DENND1A: variants seen among roughly 807,000 people sequenced by gnomAD.
The protein encoded by DENND1A is DENN domain containing 1A, also known as DENN domain-containing protein 1A.
A neutral mutation model predicts 113.7 loss-of-function variants in DENND1A; 51 were observed. The ratio of observed to expected loss-of-function variants is 0.45; its 90% CI spans 0.36 to 0.57. DENND1A has a LOEUF of 0.57. DENND1A is among the 20% of genes least tolerant of loss of function. DENND1A has a pLI of 0.00. For synonymous variants in DENND1A, 565 were observed against 570.8 expected (o/e 0.99, Z 0.14); for missense variants, 1,258 against 1,395.9 (o/e 0.90, Z 1.57).
chr9:123,514,658 G>T (rs956468621), intron 13 of DENND1A, among the ~76,000 whole-genome samples: 2 of 152,210 alleles, frequency 1.3e-5, no homozygotes, highest in Non-Finnish European at 2.9e-5. Flanking sequence ...GAGAAAACTA[G>T]AATAATTCCT....
chr9:123,623,167 C>G (rs954970795), intron 10 of DENND1A, among the ~76,000 whole-genome samples: 2 of 152,040 alleles, frequency 1.3e-5, no homozygotes, highest in African/African-American at 4.8e-5. Flanking sequence ...TAAAAACAAT[C>G]TGAGGGATAA....
intron 1 of DENND1A, among the ~76,000 whole-genome samples, chr9:123,911,831 C>T (rs1854033681): frequency 6.6e-6 from 1 of 152,030 alleles, no homozygotes; most frequent in Non-Finnish European, 1.5e-5. Flanking sequence ...GCTGGGACTA[C>T]AGGTGCCCGC....
intron 5 of DENND1A, among the ~76,000 whole-genome samples, chr9:123,686,497 T>TG: frequency 6.6e-6 from 1 of 152,266 alleles, no homozygotes; most frequent in South Asian, 2.1e-4. Context: ...CTGAGCAATC[T>TG]AACTCTGGCT....
chr9:123,811,771 A>G (rs879552377), intron 2 of DENND1A, among the ~76,000 whole-genome samples: 1 of 152,236 alleles, frequency 6.6e-6, no homozygotes, highest in Non-Finnish European at 1.5e-5. Flanking sequence ...AAATAAAAAT[A>G]AAAAAGGTTT....
chr9:123,914,383 A>C (rs1046101525), intron 1 of DENND1A, among the ~76,000 whole-genome samples: 1 of 150,692 alleles, frequency 6.6e-6, no homozygotes, highest in African/African-American at 2.4e-5. Context: ...CTAAAAATAC[A>C]AAAAAAAATT....
At chr9:123,551,232 G>A (rs998577750) in intron 13 of DENND1A, among the ~76,000 whole-genome samples, 1 of 152,190 alleles carries the variant, frequency 6.6e-6, no homozygotes, top group Non-Finnish European at 1.5e-5. Flanking sequence ...CCTCTATCAG[G>A]AAGCAGCAAC....
chr9:123,784,690 T>G (rs913250772), intron 3 of DENND1A, among the ~76,000 whole-genome samples: 1 of 152,170 alleles, frequency 6.6e-6, no homozygotes, highest in Non-Finnish European at 1.5e-5. Flanking sequence ...AATGTGTAAG[T>G]AAGGATTGCA....
chr9:123,409,337 T>A (rs1372158623), intron 20 of DENND1A, among the ~76,000 whole-genome samples: 1 of 151,698 alleles, frequency 6.6e-6, no homozygotes, highest in Non-Finnish European at 1.5e-5. Flanking sequence ...ATCCCTAATC[T>A]GAAAATCCGA....
chr9:123,885,378 T>C (rs1418779252), intron 1 of DENND1A, among the ~76,000 whole-genome samples: 1 of 152,236 alleles, frequency 6.6e-6, no homozygotes, highest in Non-Finnish European at 1.5e-5. Context: ...CTGTGTCTTC[T>C]CATAACCCTA....
At chr9:123,735,725 G>A (rs1440994034) in intron 5 of DENND1A, among the ~76,000 whole-genome samples, 4 of 152,166 alleles carry the variant, frequency 2.6e-5, no homozygotes, top group South Asian at 2.1e-4. Context: ...TTGGCTGGGC[G>A]TGGTGGCTCA....
chr9:123,922,746 C>T (rs978110302), intron 1 of DENND1A, among the ~76,000 whole-genome samples: 3 of 152,138 alleles, frequency 2.0e-5, no homozygotes, highest in African/African-American at 7.2e-5. Flanking sequence ...TCTGGAATGC[C>T]CTTGCCCTCA....
chr9:123,661,930 A>G (rs2063259027), intron 8 of DENND1A, among the ~76,000 whole-genome samples: 1 of 152,184 alleles, frequency 6.6e-6, no homozygotes, highest in Non-Finnish European at 1.5e-5. Flanking sequence ...ACATTCTATC[A>G]TAGAGGCCCC....
At chr9:123,546,189 T>C (rs1293299815) in intron 13 of DENND1A, among the ~76,000 whole-genome samples, 2 of 152,118 alleles carry the variant, frequency 1.3e-5, no homozygotes, top group Non-Finnish European at 2.9e-5. Flanking sequence ...TACACATTCG[T>C]GATGTGGTGT....
chr9:123,678,549 G>A (rs1589634582), intron 5 of DENND1A, among the ~76,000 whole-genome samples: 1 of 152,162 alleles, frequency 6.6e-6, no homozygotes, highest in Admixed American at 6.5e-5. Flanking sequence ...ATCCTGCCAG[G>A]GAGAGGGGAA....
At chr9:123,660,849 G>A (rs2063199198) in intron 8 of DENND1A, among the ~76,000 whole-genome samples, 1 of 152,252 alleles carries the variant, frequency 6.6e-6, no homozygotes, top group Admixed American at 6.5e-5. Flanking sequence ...CTAACGAAGT[G>A]GTTTTCAAGC....
intron 2 of DENND1A, among the ~76,000 whole-genome samples, chr9:123,861,228 T>A (rs1263509288): frequency 6.6e-6 from 1 of 152,272 alleles, no homozygotes; most frequent in East Asian, 1.9e-4. Flanking sequence ...TTAAGAAAAA[T>A]TCTCCTTCAA....
intron 19 of DENND1A, chr9:123,414,136 G>C: frequency 1.0e-6 from 1 of 1,002,624 alleles, no homozygotes; most frequent in South Asian, 4.3e-5. Flanking sequence ...GAGAACCCCA[G>C]TTCTCCCATT....
At chr9:123,607,547 A>AGTGTGTGTGT (rs555605927) in intron 11 of DENND1A, among the ~76,000 whole-genome samples, 6 of 68,002 alleles carry the variant, frequency 8.8e-5, no homozygotes, top group East Asian at 4.9e-4. Context: ...AGAGAGAGAG[A>AGTGTGTGTGT]GTGTGTGTGT....
intron 8 of DENND1A, among the ~76,000 whole-genome samples, chr9:123,663,651 G>A (rs1383584144): frequency 6.6e-6 from 1 of 151,910 alleles, no homozygotes; most frequent in Non-Finnish European, 1.5e-5. Flanking sequence ...GAGTGGGATT[G>A]GGGTTGGAGG....
Sources: gnomAD v4.1 joint callset for allele counts (sites outside exome capture counted in the v4.1 genomes callset) on GRCh38, gnomAD v4.1.1 for gene constraint, MANE v1.5 for transcripts, NCBI Gene and HGNC (gene_info 2026-07-23, HGNC 2026-07-21) for gene names.